Variants in NEK10 observed in about 807,000 individuals in gnomAD.
NEK10 encodes serine/threonine-protein kinase Nek10.
NEK10 carries 122 observed loss-of-function variants against 159.8 expected under a neutral mutation model. That is an observed-to-expected ratio of 0.76 (90% CI 0.66 to 0.89). NEK10 has a LOEUF of 0.89. Among genes scored for constraint, NEK10 ranks in the 40% least tolerant of loss-of-function variants. NEK10 has a pLI of 0.00. For synonymous variants in NEK10, 466 were observed against 457.1 expected, an observed-to-expected ratio of 1.02 and a Z score of -0.25; for missense variants, 1,342 against 1,323.1, an observed-to-expected ratio of 1.01 and a Z score of -0.22.
At chr3:27,268,360 T>C (rs557282422) in intron 22 of NEK10, among the ~76,000 whole-genome samples, 4 of 152,152 alleles carry the variant, frequency 2.6e-5, no homozygotes, top group African/African-American at 4.8e-5. Flanking sequence ...AGGACTTTCA[T>C]AGTTAGGGAG....
chr3:27,181,013 C>T lies in NEK10; in HGVS notation c.2506-6180G>A, dbSNP rs79777389. The stretch of plus-strand genomic sequence containing the variant: ...ACACACAGGCCTCCTTGCTGTTCCC[C>T]GAGCTTGGCAGGCTCACTCCTACCT... On this transcript the variant is annotated intron_variant, in intron 26 of 35. Coordinates refer to ENST00000691995, the MANE Select transcript of NEK10 (RefSeq NM_001394966.1). Among the ~76,000 whole-genome samples the T allele has an allele frequency of 1.3e-3, 201 of 152,174 alleles. 2 individuals carry two copies. Among genetic ancestry groups the T allele is most frequent in the East Asian group, 0.01 (54 of 5,162 alleles).
rs751407577 is a variant in NEK10, at chr3:27,202,550, C to A, written c.2098G>T (p.Val700Leu). Reference protein sequence around the residue: ...VGTILYSCPEVLKSEPYGEKA... With the variant: ...VGTILYSCPELLKSEPYGEKA... ...TCCCCATACGGCTCACTCTTCAGTACCTCGGGGCTGAAGTAAAATAAGGAC... is the reference window on the plus strand; with the variant it reads ...TCCCCATACGGCTCACTCTTCAGTAACTCGGGGCTGAAGTAAAATAAGGAC... Residue 700 changes from valine (V) to leucine (L), a missense_variant, in exon 24 of 36, where the codon GTA becomes TTA. By Grantham distance (32) the Val-to-Leu change is conservative. Transcript: ENST00000691995. The A allele has an allele frequency of 1.9e-6, 3 of 1,603,654 alleles. No individual in the cohort carries two copies. Among genetic ancestry groups the A allele is most frequent in the Middle Eastern group, 1.7e-4 (1 of 6,004 alleles).
chr3:27,219,462 G>A (rs1002921590), intron 23 of NEK10, among the ~76,000 whole-genome samples: 4 of 152,198 alleles, frequency 2.6e-5, no homozygotes, highest in African/African-American at 9.6e-5. Context: ...GTATGACAAG[G>A]GTTACATCTG....
At chr3:27,155,392 T>C (rs1559524703) in intron 30 of NEK10, among the ~76,000 whole-genome samples, 1 of 151,512 alleles carries the variant, frequency 6.6e-6, no homozygotes, top group Non-Finnish European at 1.5e-5. Context: ...GTCCCAGCTA[T>C]TAGGGAGGCT....
chr3:27,217,113 C>G (rs979583284), intron 23 of NEK10, among the ~76,000 whole-genome samples: 8 of 152,178 alleles, frequency 5.3e-5, no homozygotes, highest in African/African-American at 1.9e-4. Context: ...TGACTAACCT[C>G]TGATTTTTTT....
chr3:27,331,948 A>C (rs1397980757), intron 5 of NEK10, among the ~76,000 whole-genome samples: 2 of 152,088 alleles, frequency 1.3e-5, no homozygotes, highest in Non-Finnish European at 2.9e-5. Context: ...AAGTAAATTA[A>C]TTTTTTTGCA....
chr3:27,297,114 G>T, intron 14 of NEK10, 65 bp downstream of exon 14: 2 of 982,088 alleles, frequency 2.0e-6, no homozygotes, highest in Non-Finnish European at 3.3e-6. Context: ...GATACAGACT[G>T]CACCACAAGG....
At chr3:27,211,630 G>C (rs1326784962) in intron 23 of NEK10, among the ~76,000 whole-genome samples, 1 of 152,104 alleles carries the variant, frequency 6.6e-6, no homozygotes, top group Non-Finnish European at 1.5e-5. Context: ...ACCCATGTTA[G>C]CCTCCCTCCT....
Position 27,352,448 on chromosome 3 carries a change from T to C in NEK10, c.132+17A>G, listed in dbSNP as rs1397498292. ...TTTTTCTTTTATTACCAAGTGAACA[T>C]TCTTTGAAAACGCTACCTGTTGTTT... is the stretch of plus-strand genomic sequence containing the variant. On this transcript the variant is annotated intron_variant, in intron 3 of 35. Coordinates refer to ENST00000691995, the MANE Select transcript of NEK10 (RefSeq NM_001394966.1). 2 of 1,585,216 alleles carry C rather than the reference T, an allele frequency of 1.3e-6. No individual in the cohort carries two copies. The highest frequency in any genetic ancestry group is 1.7e-5 in the Admixed American group (1 of 59,830).
chr3:27,234,938 T>C (rs552672889), intron 23 of NEK10, among the ~76,000 whole-genome samples: 69 of 151,998 alleles, frequency 4.5e-4, no homozygotes, highest in African/African-American at 1.7e-3. Context: ...TGGAACACAA[T>C]AGATAATTCA....
chr3:27,237,939 C>A (rs1292304589), intron 23 of NEK10, among the ~76,000 whole-genome samples: 11 of 152,100 alleles, frequency 7.2e-5, no homozygotes, highest in Admixed American at 7.2e-4. Context: ...TCCGCACCCT[C>A]AAGAGTAGAG....
intron 1 of NEK10, among the ~76,000 whole-genome samples, chr3:27,366,635 G>T (rs190302008): frequency 9.2e-5 from 14 of 152,274 alleles, no homozygotes; most frequent in Admixed American, 5.9e-4. Context: ...CTCACTGAAT[G>T]ATTGAGACTC....
intron 9 of NEK10, chr3:27,310,682 A>C (rs761594318): frequency 2.4e-4 from 78 of 325,224 alleles, no homozygotes; most frequent in Middle Eastern, 8.7e-4. Context: ...TTTTCAAATA[A>C]TATTTAAGTA....
intron 23 of NEK10, among the ~76,000 whole-genome samples, chr3:27,254,118 G>A (rs1183441450): frequency 2.0e-5 from 3 of 152,054 alleles, no homozygotes; most frequent in Admixed American, 2.0e-4. Flanking sequence ...TCCAACCCCC[G>A]GCCCACGGAC....
At chr3:27,301,130 G>A (rs982548804) in intron 13 of NEK10, among the ~76,000 whole-genome samples, 3 of 152,184 alleles carry the variant, frequency 2.0e-5, no homozygotes, top group African/African-American at 7.2e-5. Context: ...TTGTCCCAAA[G>A]GCCAGGTGCC....
intron 30 of NEK10, among the ~76,000 whole-genome samples, chr3:27,150,511 A>G (rs1001290627): frequency 3.9e-5 from 6 of 152,180 alleles, no homozygotes; most frequent in African/African-American, 1.4e-4. Context: ...AAATAGAACA[A>G]CAAAGCCTGG....
intron 6 of NEK10, among the ~76,000 whole-genome samples, chr3:27,319,074 G>T (rs2045430470): frequency 6.6e-6 from 1 of 152,168 alleles, no homozygotes; most frequent in African/African-American, 2.4e-5. Context: ...GCTAAAAACA[G>T]GTTGGGGAAT....
At chr3:27,268,947 A>G (rs1165304073) in intron 22 of NEK10, among the ~76,000 whole-genome samples, 2 of 152,166 alleles carry the variant, frequency 1.3e-5, no homozygotes, top group African/African-American at 4.8e-5. Context: ...AGGAGTTTGG[A>G]AGAAGTTGAT....
intron 33 of NEK10, among the ~76,000 whole-genome samples, chr3:27,119,368 A>C (rs145804247): frequency 2.4e-4 from 37 of 152,322 alleles, no homozygotes; most frequent in African/African-American, 8.9e-4. Flanking sequence ...TCAAGTGTCT[A>C]ATGTGGATTC....
Sources: allele counts gnomAD v4.1 joint callset (sites outside exome capture counted in the v4.1 genomes callset), GRCh38; gene constraint gnomAD v4.1.1; transcripts MANE v1.5; gene names NCBI Gene and HGNC (gene_info 2026-07-23, HGNC 2026-07-21).